Variants in RNGTT observed in about 807,000 individuals in gnomAD.
RNGTT encodes mRNA-capping enzyme.
A neutral mutation model predicts 79.3 loss-of-function variants in RNGTT; 33 were observed. That is an observed-to-expected ratio of 0.42 (90% CI 0.32 to 0.56). The LOEUF (loss-of-function observed/expected upper bound fraction) is 0.56. Ranked by LOEUF, RNGTT falls within the 20% of genes least tolerant of loss-of-function variation. The pLI, the probability that RNGTT is intolerant of heterozygous loss-of-function variation, is 0.17. For synonymous variants in RNGTT, 222 were observed against 235.9 expected (o/e 0.94, Z 0.54); for missense variants, 497 against 739.1 (o/e 0.67, Z 3.80).
Position 88,928,872 on chromosome 6 carries a change from G to A in RNGTT, c.367+113C>T, listed in dbSNP as rs908951815. The A allele has an allele frequency of 1.0e-5, 7 of 688,926 alleles. No individual in the cohort carries two copies. The Admixed American group carries it at 1.9e-4, about 19-fold the overall frequency. The allele number at this position is 688,926 out of a possible 1,614,324, so 42.7% of individuals were successfully genotyped here. ...TCTCTCATTTTAATAAACACTACTTGGTCATTATTTAAAACAGAAAAAACT... is the reference window on the plus strand; with the variant it reads ...TCTCTCATTTTAATAAACACTACTTAGTCATTATTTAAAACAGAAAAAACT... On this transcript the variant is annotated intron_variant, in intron 4 of 15. Coordinates refer to ENST00000369485, the MANE Select transcript of RNGTT (RefSeq NM_003800.5).
intron 8 of RNGTT, among the ~76,000 whole-genome samples, chr6:88,854,716 C>G (rs1781788286): frequency 6.6e-6 from 1 of 151,956 alleles, no homozygotes; most frequent in Non-Finnish European, 1.5e-5. Context: ...TATCTCTTAT[C>G]TTCTTAAACT....
chr6:88,759,206 T>C (rs921843215), intron 13 of RNGTT, among the ~76,000 whole-genome samples: 1 of 152,228 alleles, frequency 6.6e-6, no homozygotes, highest in Non-Finnish European at 1.5e-5. Flanking sequence ...ATATCCCAGA[T>C]CTGGCCAGTG....
chr6:88,815,779 T>C (rs955504049), intron 11 of RNGTT, among the ~76,000 whole-genome samples: 1 of 152,184 alleles, frequency 6.6e-6, no homozygotes, highest in Non-Finnish European at 1.5e-5. Flanking sequence ...ATGAGACCTT[T>C]AGCTTCACTT....
At chr6:88,889,132 T>C (rs914767474) in intron 8 of RNGTT, among the ~76,000 whole-genome samples, 1 of 152,216 alleles carries the variant, frequency 6.6e-6, no homozygotes, top group East Asian at 1.9e-4. Flanking sequence ...TAAAATTTCT[T>C]TTTTATTTTC....
intron 9 of RNGTT, among the ~76,000 whole-genome samples, chr6:88,853,400 G>A (rs1348391488): frequency 6.6e-6 from 1 of 151,924 alleles, no homozygotes; most frequent in Non-Finnish European, 1.5e-5. Context: ...AGCTACTGGG[G>A]AGGCTAAGGC....
chr6:88,698,144 T>G (rs1181234548), intron 13 of RNGTT, among the ~76,000 whole-genome samples: 1 of 113,118 alleles, frequency 8.8e-6, no homozygotes, highest in Non-Finnish European at 1.6e-5. Context: ...ATGATATATA[T>G]ATGAAATACA....
At chr6:88,700,139 T>TA (rs1296081534) in intron 13 of RNGTT, among the ~76,000 whole-genome samples, 1 of 152,034 alleles carries the variant, frequency 6.6e-6, no homozygotes. Flanking sequence ...CTTATCACAA[T>TA]AAAAAAATGG....
intron 14 of RNGTT, among the ~76,000 whole-genome samples, chr6:88,620,098 T>G (rs140620710): frequency 6.6e-6 from 1 of 152,214 alleles, no homozygotes; most frequent in Non-Finnish European, 1.5e-5. Context: ...CTGAAATCTA[T>G]TGGTGTTTGT....
chr6:88,796,475 A>G (rs1562257435), intron 12 of RNGTT, among the ~76,000 whole-genome samples: 1 of 152,224 alleles, frequency 6.6e-6, no homozygotes, highest in African/African-American at 2.4e-5. Context: ...TTTTTAAATA[A>G]GGAATAAATA....
chr6:88,858,236 A>G (rs973100809), intron 8 of RNGTT, among the ~76,000 whole-genome samples: 5 of 152,106 alleles, frequency 3.3e-5, no homozygotes, highest in Non-Finnish European at 7.4e-5. Context: ...TTTTTAATCA[A>G]TTATTTTTTA....
intron 10 of RNGTT, among the ~76,000 whole-genome samples, chr6:88,846,460 T>TA (rs1271094070): frequency 8.5e-5 from 13 of 152,090 alleles, no homozygotes; most frequent in Admixed American, 8.5e-4. Context: ...TCAAGTATAC[T>TA]AGCAGGCCGG....
intron 14 of RNGTT, among the ~76,000 whole-genome samples, chr6:88,660,965 A>G (rs1774160195): frequency 1.3e-5 from 2 of 152,212 alleles, no homozygotes; most frequent in African/African-American, 4.8e-5. Flanking sequence ...TATATCAAGT[A>G]CTTTCTCAGA....
chr6:88,710,539 C>T (rs1582366126), intron 13 of RNGTT, among the ~76,000 whole-genome samples: 1 of 152,188 alleles, frequency 6.6e-6, no homozygotes, highest in African/African-American at 2.4e-5. Flanking sequence ...TAAAACTCTT[C>T]TCTTTTTAAA....
In RNGTT at chr6:88,711,604, T is replaced by A. The variant is rs529477511; in HGVS notation, c.1440-33185A>T. Among the ~76,000 whole-genome samples the A allele has an allele frequency of 5.3e-5, 8 of 152,328 alleles. No individual in the cohort carries two copies. The East Asian group carries it at 1.5e-3, about 29-fold the overall frequency. On this transcript the variant is annotated intron_variant, in intron 13 of 15. Coordinates refer to ENST00000369485, the MANE Select transcript of RNGTT (RefSeq NM_003800.5). ...TGTACTTTGGATAATATTAACTTGC[T>A]ACATCTTAAATTAATAGGTTTGAGG... is the stretch of plus-strand genomic sequence containing the variant.
In RNGTT at chr6:88,955,184, A is replaced by G. The variant is rs986250359; in HGVS notation, c.64+8162T>C. 1.6e-4 allele frequency among the ~76,000 whole-genome samples: 25 copies of G among 152,320 alleles called. No homozygotes were observed. The East Asian group carries it at 2.5e-3, about 15-fold the overall frequency. On this transcript the variant is annotated intron_variant, in intron 1 of 15. Transcript: ENST00000369485. ...ATTTAAAAATTTTTTGAACTGAATG[A>G]TAACAGTGACACAACCTATCAAAAC...
At chr6:88,823,869 A>G (rs1021365383) in intron 11 of RNGTT, among the ~76,000 whole-genome samples, 7 of 152,238 alleles carry the variant, frequency 4.6e-5, no homozygotes, top group South Asian at 4.1e-4. Context: ...GCAGCTATAA[A>G]AGCTAAGCAC....
chr6:88,857,735 G>C (rs1781885959), intron 8 of RNGTT, among the ~76,000 whole-genome samples: 1 of 151,964 alleles, frequency 6.6e-6, no homozygotes, highest in African/African-American at 2.4e-5. Flanking sequence ...AGGAAAGGAG[G>C]AGGACAAAAC....
At chr6:88,926,828 C>T (rs1784333854) in intron 4 of RNGTT, among the ~76,000 whole-genome samples, 1 of 152,160 alleles carries the variant, frequency 6.6e-6, no homozygotes, top group African/African-American at 2.4e-5. Flanking sequence ...ACATGGTTTA[C>T]ACAAAGACTA....
intron 1 of RNGTT, among the ~76,000 whole-genome samples, chr6:88,960,994 T>C (rs550728453): frequency 2.3e-4 from 35 of 152,326 alleles, no homozygotes; most frequent in African/African-American, 8.4e-4. Flanking sequence ...ATCCTGGGTG[T>C]AGAGGGTGTT....
Sources: gnomAD v4.1 joint callset for allele counts (sites outside exome capture counted in the v4.1 genomes callset) on GRCh38, gnomAD v4.1.1 for gene constraint, MANE v1.5 for transcripts, NCBI Gene and HGNC (gene_info 2026-07-23, HGNC 2026-07-21) for gene names.